LRP1B: variants seen among roughly 807,000 people sequenced by gnomAD.
LRP1B encodes LDL receptor related protein 1B.
In LRP1B, 217 loss-of-function variants were observed where a neutral mutation model predicts 556.6. The observed-to-expected ratio is 0.39, with a 90% CI of 0.35 to 0.44. The LOEUF (loss-of-function observed/expected upper bound fraction) is 0.44, where lower values mean the gene tolerates loss of function less well. Ranked by LOEUF, LRP1B falls within the 20% of genes least tolerant of loss-of-function variation. The pLI, the probability that LRP1B is intolerant of heterozygous loss-of-function variation, is 1.00. For synonymous variants in LRP1B, 2,047 were observed against 1,865.8 expected (o/e 1.10, Z -2.50); for missense variants, 5,053 against 5,620.8 (o/e 0.90, Z 3.23).
At position 142,072,031 on chromosome 2, in the gene LRP1B, A is replaced by T. The variant is rs114819835; in HGVS notation, c.82+58617T>A. Among the ~76,000 whole-genome samples the T allele has an allele frequency of 5.0e-3, 766 of 151,952 alleles. 6 individuals are homozygous for T. The highest frequency in any genetic ancestry group is 0.018 in the African/African-American group (737 of 41,462). ...TTTGATTCTTTCCTCTCCCTCTCTCATTCCCCATGCCCGAATAAGTACTGA... is the reference window on the plus strand; with the variant it reads ...TTTGATTCTTTCCTCTCCCTCTCTCTTTCCCCATGCCCGAATAAGTACTGA... On this transcript the variant is annotated intron_variant, in intron 1 of 90. Transcript: ENST00000389484.
At chr2:141,191,799 C>T (rs997197779) in intron 6 of LRP1B, among the ~76,000 whole-genome samples, 14 of 151,246 alleles carry the variant, frequency 9.3e-5, no homozygotes, top group Non-Finnish European at 1.5e-4. Flanking sequence ...ATTATTATAT[C>T]AGCTAGAGCT....
At chr2:141,509,875 A>G (rs1430388709) in intron 2 of LRP1B, among the ~76,000 whole-genome samples, 6 of 152,132 alleles carry the variant, frequency 3.9e-5, no homozygotes, top group African/African-American at 1.4e-4. Flanking sequence ...TTGGAACTGC[A>G]CTGTATTAGA....
intron 55 of LRP1B, among the ~76,000 whole-genome samples, chr2:140,499,004 G>A (rs1051925227): frequency 1.3e-5 from 2 of 151,778 alleles, no homozygotes; most frequent in African/African-American, 2.4e-5. Context: ...GATAACATAT[G>A]CGCACACCTT....
intron 2 of LRP1B, among the ~76,000 whole-genome samples, chr2:141,501,053 A>G (rs1336256671): frequency 6.6e-6 from 1 of 152,150 alleles, no homozygotes; most frequent in Non-Finnish European, 1.5e-5. Context: ...TTCAAACAAC[A>G]AAAACATATA....
intron 90 of LRP1B, among the ~76,000 whole-genome samples, chr2:140,233,711 C>T (rs1349771352): frequency 1.3e-5 from 2 of 151,180 alleles, no homozygotes; most frequent in Non-Finnish European, 3.0e-5. Flanking sequence ...ACAAGCCTAT[C>T]CGTGGCAAGT....
In LRP1B at chr2:140,872,051, GT is replaced by G. The variant is rs70991111; in HGVS notation, c.4170-3789del. ...GTGTTTGTATTTAAAAGTCCTTCATGTTTTTTTTTTTTTCTCTCCTAGGACC... is the reference window on the plus strand; with the variant it reads ...GTGTTTGTATTTAAAAGTCCTTCATGTTTTTTTTTTTTCTCTCCTAGGACC... On this transcript the variant is annotated intron_variant, in intron 25 of 90. Transcript: ENST00000389484. Among the ~76,000 whole-genome samples the G allele has an allele frequency of 1.3e-3, 158 of 124,058 alleles. 1 individual carries two copies. Among genetic ancestry groups the G allele is most frequent in the African/African-American group, 4.4e-3 (141 of 32,396 alleles). 81.4% of individuals were successfully genotyped at this position (124,058 alleles called of 152,430 possible).
intron 2 of LRP1B, among the ~76,000 whole-genome samples, chr2:141,736,752 C>T (rs1015070151): frequency 2.0e-5 from 3 of 152,142 alleles, no homozygotes; most frequent in East Asian, 1.9e-4. Flanking sequence ...GAGTCATTTG[C>T]ATCACCTTTT....
At chr2:142,078,031 G>C (rs1349561708) in intron 1 of LRP1B, among the ~76,000 whole-genome samples, 1 of 152,040 alleles carries the variant, frequency 6.6e-6, no homozygotes, top group Non-Finnish European at 1.5e-5. Context: ...TCCTCTGCTA[G>C]AGTTCCCACC....
intron 1 of LRP1B, among the ~76,000 whole-genome samples, chr2:141,951,756 T>G (rs1209983261): frequency 1.3e-5 from 2 of 152,164 alleles, no homozygotes; most frequent in African/African-American, 4.8e-5. Context: ...GAAAGTTAAC[T>G]TATGTATAAA....
At chr2:141,311,568 G>A (rs543758864) in intron 3 of LRP1B, among the ~76,000 whole-genome samples, 1 of 152,246 alleles carries the variant, frequency 6.6e-6, no homozygotes, top group South Asian at 2.1e-4. Context: ...TATGCTGTCA[G>A]TAGGTGGGGT....
chr2:141,168,030 T>G (rs72980121), intron 7 of LRP1B, among the ~76,000 whole-genome samples: 4,091 of 152,094 alleles, frequency 0.027, 178 homozygotes, highest in African/African-American at 0.093. Context: ...GAAAGTATAG[T>G]ATAATAGTTT....
intron 1 of LRP1B, among the ~76,000 whole-genome samples, chr2:141,988,744 C>T (rs775937928): frequency 5.9e-5 from 9 of 151,998 alleles, no homozygotes; most frequent in Non-Finnish European, 1.3e-4. Context: ...TCAGTTTTCT[C>T]TGATTATAAT....
At chr2:140,551,837 A>G (rs1680558408) in intron 43 of LRP1B, among the ~76,000 whole-genome samples, 2 of 152,266 alleles carry the variant, frequency 1.3e-5, no homozygotes, top group South Asian at 4.1e-4. Flanking sequence ...ATGAGTTTTC[A>G]TCCTTTTTAG....
At chr2:140,585,348 A>G (rs1681943267) in intron 43 of LRP1B, among the ~76,000 whole-genome samples, 1 of 152,106 alleles carries the variant, frequency 6.6e-6, no homozygotes, top group Non-Finnish European at 1.5e-5. Context: ...AACAGGTCTT[A>G]TATCTAAGTT....
chr2:140,589,942 G>C lies in LRP1B; in HGVS notation c.7194+8689C>G, dbSNP rs574634773. On this transcript the variant is annotated intron_variant, in intron 43 of 90. Coordinates refer to ENST00000389484, the MANE Select transcript of LRP1B (RefSeq NM_018557.3). ...AATGTTCTGTATCTTGACCACATAA[G>C]TGTCTATACCCTGGTTGTGAGATTG... 9.2e-5 allele frequency among the ~76,000 whole-genome samples: 14 copies of C among 152,268 alleles called. No individual in the cohort carries two copies. In the South Asian group the frequency reaches 2.9e-3, roughly 32 times the overall value.
chr2:140,820,723 T>C (rs1176093838), intron 31 of LRP1B, among the ~76,000 whole-genome samples: 1 of 152,148 alleles, frequency 6.6e-6, no homozygotes, highest in East Asian at 1.9e-4. Flanking sequence ...AAGCACTGGA[T>C]TGTGTCACTT....
chr2:141,344,686 A>G lies in LRP1B; in HGVS notation c.344-90045T>C, dbSNP rs143566512. On this transcript the variant is annotated intron_variant, in intron 3 of 90. Coordinates refer to ENST00000389484, the MANE Select transcript of LRP1B (RefSeq NM_018557.3). Reference sequence around the variant, plus strand: ...TCTCCTCCATTGAAATATAAGCTCCATAAGGGCAGACTCTAATGTTTTTCC... The same window carrying G: ...TCTCCTCCATTGAAATATAAGCTCCGTAAGGGCAGACTCTAATGTTTTTCC... Among the ~76,000 whole-genome samples, 880 of 152,240 alleles carry G rather than the reference A, an allele frequency of 5.8e-3. 5 individuals are homozygous for G. The highest frequency in any genetic ancestry group is 0.019 in the African/African-American group (799 of 41,550).
At chr2:142,026,510 C>T (rs907820950) in intron 1 of LRP1B, among the ~76,000 whole-genome samples, 3 of 152,034 alleles carry the variant, frequency 2.0e-5, no homozygotes, top group African/African-American at 4.8e-5. Context: ...TATAGGTATA[C>T]TTTTTTTCTA....
At chr2:141,639,349 T>TATATATAC (rs1262198983) in intron 2 of LRP1B, among the ~76,000 whole-genome samples, 2 of 56,108 alleles carry the variant, frequency 3.6e-5, no homozygotes, top group African/African-American at 1.3e-4. Context: ...TATATATATA[T>TATATATAC]ACACACACAC....
Sources: allele counts gnomAD v4.1 joint callset (sites outside exome capture counted in the v4.1 genomes callset), GRCh38; gene constraint gnomAD v4.1.1; transcripts MANE v1.5; gene names NCBI Gene and HGNC (gene_info 2026-07-23, HGNC 2026-07-21).